Variants in WAPL observed in about 807,000 individuals in gnomAD.
WAPL encodes the protein WAPL cohesin release factor.
In WAPL, 5 loss-of-function variants were observed where a neutral mutation model predicts 121.0. That is an observed-to-expected ratio of 0.04 (90% CI 0.02 to 0.09). The LOEUF is 0.09. Among genes scored for constraint, WAPL ranks in the 10% least tolerant of loss-of-function variants. The pLI is 1.00. For synonymous variants in WAPL, 480 were observed against 481.5 expected (o/e 1.00, Z 0.04); for missense variants, 999 against 1,410.8 (o/e 0.71, Z 4.68).
chr10:86,500,054 G>A lies in WAPL; in HGVS notation c.1189C>T (p.Arg397Cys), dbSNP rs1182406237. The change falls in exon 3 of 19, where the codon CGT (arginine) becomes TGT (cysteine). Residue 397 changes from arginine to cysteine, a missense_variant. Around this residue, in one of 7 missense-constraint regions of WAPL, gnomAD observed 531 missense variants for 563.1 expected, o/e 0.94. Coordinates refer to ENST00000298767, the MANE Select transcript of WAPL (RefSeq NM_015045.5). ...GCAATATCTGCCTTTTTTCTGAGAC[G>A]ACCAGCTTCTCCCAAATCTGCAGGA... ...STPADLGEAGRLRKKADIATS... is the reference protein window; with the variant it reads ...STPADLGEAGCLRKKADIATS... The A allele has an allele frequency of 1.9e-6, 3 of 1,613,846 alleles. No individual in the cohort carries two copies. The highest frequency in any genetic ancestry group is 2.5e-6 in the Non-Finnish European group (3 of 1,179,988).
At chr10:86,455,007 C>G (rs1249162284) in intron 12 of WAPL, among the ~76,000 whole-genome samples, 1 of 135,508 alleles carries the variant, frequency 7.4e-6, no homozygotes, top group Non-Finnish European at 1.7e-5. Context: ...CGGCAGCCAC[C>G]CCGTCCGGGA....
chr10:86,460,669 A>G (rs1841247060), intron 10 of WAPL, among the ~76,000 whole-genome samples, 173 bp from the exon 11 acceptor site: 1 of 152,042 alleles, frequency 6.6e-6, no homozygotes, highest in Non-Finnish European at 1.5e-5. Flanking sequence ...CATACTCTGT[A>G]ATTATTTTGT....
In WAPL at chr10:86,471,039, T is replaced by C. The variant is rs769662303; in HGVS notation, c.2095A>G (p.Met699Val). ...SFRMHLRAHG[M>V]VAMVFKTLDD... Reference sequence around the variant, plus strand: ...AAGGTTTTAAAGACCATTGCTACCATCCCATGTGCTCTCAGGTGCATTCGA... The same window carrying C: ...AAGGTTTTAAAGACCATTGCTACCACCCCATGTGCTCTCAGGTGCATTCGA... Residue 699 changes from methionine (M) to valine (V), a missense_variant, in exon 8 of 19, where the codon ATG (methionine) becomes GTG (valine). Coordinates refer to ENST00000298767, the MANE Select transcript of WAPL (RefSeq NM_015045.5). 6.2e-7 allele frequency: 1 copy of C among 1,613,872 alleles called. No homozygotes were observed.
rs185818774 is a variant in WAPL at position 86,507,138 on chromosome 10, C to T, written c.500-6395G>A. On this transcript the variant is annotated intron_variant, in intron 2 of 18. Coordinates refer to ENST00000298767, the MANE Select transcript of WAPL (RefSeq NM_015045.5). ...ATCCCAGCACTTTGGGAGGCCGAGG[C>T]GGGCGGATCACCTGAGTTCAGGAGT... Among the ~76,000 whole-genome samples the T allele has an allele frequency of 6.3e-3, 950 of 150,934 alleles. 7 individuals carry two copies. The highest frequency in any genetic ancestry group is 0.024 in the Middle Eastern group (7 of 290).
In WAPL at chr10:86,436,636, T is replaced by C. The variant is rs1291042741; in HGVS notation, c.*907A>G. 3 of 152,676 alleles carry C rather than the reference T, an allele frequency of 2.0e-5. No individual in the cohort carries two copies. The highest frequency in any genetic ancestry group is 4.8e-5 in the African/African-American group (2 of 41,466). The allele number at this position is 152,676 out of a possible 1,614,324, so 9.5% of individuals were successfully genotyped here. On this transcript the variant is annotated 3_prime_UTR_variant, in exon 19 of 19. Transcript: ENST00000298767. ...TGGAAACAGGAATTCCACATTGGTG[T>C]TTTAGCTTCCTTATATTTATTGTAC...
intron 2 of WAPL, among the ~76,000 whole-genome samples, chr10:86,501,067 T>C (rs1053840734): frequency 3.9e-5 from 6 of 152,200 alleles, no homozygotes; most frequent in Non-Finnish European, 7.3e-5. Context: ...TTAGGGGTAT[T>C]ATGGGCTTTT....
rs1337786823 is a variant in WAPL, at chr10:86,521,680, C to T, written c.-338G>A. ...GCCGCCGCCGCCTCCTGCGCCGCCG[C>T]TTCCGCCGGTGAATGGTCAGTGCTG... On this transcript the variant is annotated 5_prime_UTR_variant, in exon 1 of 19. Coordinates refer to ENST00000298767, the MANE Select transcript of WAPL (RefSeq NM_015045.5). 5 of 464,116 alleles carry T rather than the reference C, an allele frequency of 1.1e-5. No homozygotes were observed. The highest frequency in any genetic ancestry group is 2.2e-5 in the Non-Finnish European group (5 of 224,582). 28.7% of individuals were successfully genotyped at this position (464,116 alleles called of 1,614,324 possible). A position where few individuals can be genotyped will look rare whatever the true frequency, so the allele number is the denominator to read the frequency against.
chr10:86,484,070 A>C (rs771190145), intron 4 of WAPL, among the ~76,000 whole-genome samples: 2 of 152,186 alleles, frequency 1.3e-5, no homozygotes, highest in African/African-American at 2.4e-5. Flanking sequence ...AATAGAAAAA[A>C]GCTTACGGAA....
At chr10:86,477,162 AT>A (rs1048140604) in intron 4 of WAPL, among the ~76,000 whole-genome samples, 1 of 152,226 alleles carries the variant, frequency 6.6e-6, no homozygotes, top group African/African-American at 2.4e-5. Flanking sequence ...TAATATCTGT[AT>A]ATGGCTAACA....
At chr10:86,486,096 T>G (rs1841926102) in intron 4 of WAPL, among the ~76,000 whole-genome samples, 1 of 152,178 alleles carries the variant, frequency 6.6e-6, no homozygotes, top group African/African-American at 2.4e-5. Flanking sequence ...TTTTTCAGGC[T>G]TCATATCAAT....
Position 86,506,161 on chromosome 10 carries a change from G to A in WAPL, c.500-5418C>T, listed in dbSNP as rs901552497. ...GAGGCAGGAAGATTACCTGTGCCCA[G>A]AAGATTGAGGCTGCAGTGAAACATG... is the stretch of plus-strand genomic sequence containing the variant. On this transcript the variant is annotated intron_variant, in intron 2 of 18. Coordinates refer to ENST00000298767, the MANE Select transcript of WAPL (RefSeq NM_015045.5). Among the ~76,000 whole-genome samples the A allele has an allele frequency of 3.3e-5, 5 of 152,290 alleles. No homozygotes were observed. The South Asian group carries it at 1.0e-3, about 32-fold the overall frequency.
chr10:86,467,198 C>G (rs1489339214), intron 9 of WAPL, 81 bp downstream of exon 9: 3 of 1,274,006 alleles, frequency 2.4e-6, no homozygotes, highest in African/African-American at 3.0e-5. Flanking sequence ...ATAATTTGCC[C>G]ACAGTCACAC....
intron 3 of WAPL, among the ~76,000 whole-genome samples, chr10:86,499,391 G>A (rs1020052318): frequency 3.3e-5 from 5 of 152,168 alleles, no homozygotes; most frequent in East Asian, 1.9e-4. Context: ...GCCATCAACA[G>A]GGAATACATG....
intron 8 of WAPL, 83 bp downstream of exon 8, chr10:86,470,909 A>G (rs1589512235): frequency 9.2e-7 from 1 of 1,087,278 alleles, no homozygotes; most frequent in Non-Finnish European, 1.3e-6. Context: ...TTTATAGAAT[A>G]TTCAGTGAAG....
intron 13 of WAPL, 23 bp downstream of exon 13, chr10:86,453,632 GA>G (rs753002474): frequency 1.9e-6 from 3 of 1,582,078 alleles, no homozygotes; most frequent in East Asian, 2.2e-5. Flanking sequence ...CTTTCAATGA[GA>G]AAAAAATGGA....
chr10:86,489,576 G>A (rs558739291), intron 4 of WAPL, among the ~76,000 whole-genome samples: 1 of 152,292 alleles, frequency 6.6e-6, no homozygotes, highest in African/African-American at 2.4e-5. Flanking sequence ...ATTTTGGGTT[G>A]TAACAACAAG....
At chr10:86,496,271 T>C (rs1053057055) in intron 4 of WAPL, among the ~76,000 whole-genome samples, 1 of 152,140 alleles carries the variant, frequency 6.6e-6, no homozygotes, top group Non-Finnish European at 1.5e-5. Flanking sequence ...ATTAGGCTAT[T>C]ATCAAAAAAC....
At chr10:86,462,672 G>C in intron 9 of WAPL, among the ~76,000 whole-genome samples, 1 of 128,868 alleles carries the variant, frequency 7.8e-6, no homozygotes, top group African/African-American at 3.0e-5. Flanking sequence ...AGTGAGCCAA[G>C]ATTTGTGCCA....
chr10:86,446,544 ACTAACT>A, intron 15 of WAPL, 95 bp from the exon 16 acceptor site: 2 of 1,287,382 alleles, frequency 1.6e-6, no homozygotes, highest in South Asian at 1.4e-5. Flanking sequence ...TAAATCTATC[ACTAACT>A]CTAAGATGGT....
Sources: allele counts gnomAD v4.1 joint callset (sites outside exome capture counted in the v4.1 genomes callset), GRCh38; gene constraint gnomAD v4.1.1; regional missense constraint gnomAD v4.1.1; transcripts MANE v1.5; gene names NCBI Gene and HGNC (gene_info 2026-07-23, HGNC 2026-07-21).